MCTS1: variants seen among roughly 807,000 people sequenced by gnomAD.
MCTS1 encodes the protein MCTS1 re-initiation and release factor.
For synonymous variants in MCTS1, 26 were observed against 40.8 expected, an observed-to-expected ratio of 0.64 and a Z score of 1.38; for missense variants, 55 against 128.6, an observed-to-expected ratio of 0.43 and a Z score of 2.77.
rs1401580738 is a variant in MCTS1 at position 120,614,281 on chromosome X, C to T, written c.*2017C>T. 8.9e-6 allele frequency among the ~76,000 whole-genome samples: 1 copy of T among 111,968 alleles called. No individual in the cohort carries two copies. Among genetic ancestry groups the T allele is most frequent in the Non-Finnish European group, 1.9e-5 (1 of 53,206 alleles). ...CTGCCTATGGTAAACAATTAGGAAA[C>T]AGGAAGTTACTTGGTAAACACAGGT... On this transcript the variant is annotated 3_prime_UTR_variant, in exon 6 of 6. Coordinates refer to ENST00000371317, the MANE Select transcript of MCTS1 (RefSeq NM_014060.3).
intron 1 of MCTS1, chrX:120,604,985 T>C (rs1926495656): frequency 1.3e-6 from 1 of 768,471 alleles, no homozygotes; most frequent in African/African-American, 2.2e-5. Context: ...CGATTTTCTA[T>C]GTTATGCTTG....
At chrX:120,604,278 C>G in intron 1 of MCTS1, 31 bp downstream of exon 1, 24 of 1,202,206 alleles carry the variant, frequency 2.0e-5, no homozygotes, top group Non-Finnish European at 2.6e-5. Flanking sequence ...CCATCGGCTG[C>G]TCACAAAGGC....
rs183064216 is a variant in MCTS1 at position 120,610,830 on chromosome X, T to G, written c.397-181T>G. ...TATTCATTTAGCATTTACTGAGTATTTACAGTGTACCCACAGACTCTGCTA... is the reference window on the plus strand; with the variant it reads ...TATTCATTTAGCATTTACTGAGTATGTACAGTGTACCCACAGACTCTGCTA... On this transcript the variant is annotated intron_variant, in intron 4 of 5. Coordinates refer to ENST00000371317, the MANE Select transcript of MCTS1 (RefSeq NM_014060.3). 717 of 405,579 alleles carry G rather than the reference T, an allele frequency of 1.8e-3. 5 individuals carry two copies. The highest frequency in any genetic ancestry group is 0.014 in the South Asian group (296 of 20,729). The allele number at this position is 405,579 out of a possible 1,213,427, so 33.4% of individuals were successfully genotyped here. A position where few individuals can be genotyped will look rare whatever the true frequency, so the allele number is the denominator to read the frequency against.
rs954454120 is a variant in MCTS1, at chrX:120,614,256, C to T, written c.*1992C>T. On this transcript the variant is annotated 3_prime_UTR_variant, in exon 6 of 6. Coordinates refer to ENST00000371317, the MANE Select transcript of MCTS1 (RefSeq NM_014060.3). The stretch of plus-strand genomic sequence containing the variant: ...AATGTATTAATTCATAGTGATAGGT[C>T]TGCCTATGGTAAACAATTAGGAAAC... 8.9e-6 allele frequency among the ~76,000 whole-genome samples: 1 copy of T among 112,065 alleles called. No individual in the cohort carries two copies. Among genetic ancestry groups the T allele is most frequent in the Non-Finnish European group, 1.9e-5 (1 of 53,223 alleles).
Position 120,616,871 on chromosome X carries a change from T to G in MCTS1, c.*4607T>G, listed in dbSNP as rs1258182534. On this transcript the variant is annotated 3_prime_UTR_variant, in exon 6 of 6. Coordinates refer to ENST00000371317, the MANE Select transcript of MCTS1 (RefSeq NM_014060.3). ...ATGCCTCACTATTAATGTCCAATTCTAATTAATGGATTGTTTTAGAAATGT... is the reference window on the plus strand; with the variant it reads ...ATGCCTCACTATTAATGTCCAATTCGAATTAATGGATTGTTTTAGAAATGT... 8.9e-6 allele frequency among the ~76,000 whole-genome samples: 1 copy of G among 112,521 alleles called. No individual in the cohort carries two copies. The highest frequency in any genetic ancestry group is 1.9e-5 in the Non-Finnish European group (1 of 53,325).
At position 120,620,633 on chromosome X, in the gene MCTS1, A is replaced by T. The variant is rs1326889074; in HGVS notation, c.*8369A>T. Reference sequence around the variant, plus strand: ...TGGGCGACAGAGCAAGACTCCGTCTAAAAAAAAAAAAAAGATATTAAAATT... The same window carrying T: ...TGGGCGACAGAGCAAGACTCCGTCTTAAAAAAAAAAAAAGATATTAAAATT... On this transcript the variant is annotated 3_prime_UTR_variant, in exon 6 of 6. Coordinates refer to ENST00000371317, the MANE Select transcript of MCTS1 (RefSeq NM_014060.3). The T allele has an allele frequency of 9.9e-6, 1 of 100,786 alleles. No individual in the cohort carries two copies. Among genetic ancestry groups the T allele is most frequent in the African/African-American group, 3.6e-5 (1 of 27,818 alleles). 8.3% of individuals were successfully genotyped at this position (100,786 alleles called of 1,213,427 possible).
rs763827410 is a variant in MCTS1, at chrX:120,620,233, G to A, written c.*7969G>A. 6.3e-5 allele frequency among the ~76,000 whole-genome samples: 7 copies of A among 110,275 alleles called. No individual in the cohort carries two copies. The highest frequency in any genetic ancestry group is 2.3e-4 in the African/African-American group (7 of 30,291). On this transcript the variant is annotated 3_prime_UTR_variant, in exon 6 of 6. Transcript: ENST00000371317. ...TGAGGCAGGAGAGTGGCATGAACCC[G>A]GGAGGCGGAGCTTGCAGTGAGCTGA...
rs1320374929 is a variant in MCTS1, at chrX:120,620,571, T to C, written c.*8307T>C. ...TTTGCTTGAACCTGGGAGGCGGAGGTTGCAGTGAGCCGAGATTGTGCCACT... is the reference window on the plus strand; with the variant it reads ...TTTGCTTGAACCTGGGAGGCGGAGGCTGCAGTGAGCCGAGATTGTGCCACT... On this transcript the variant is annotated 3_prime_UTR_variant, in exon 6 of 6. Coordinates refer to ENST00000371317, the MANE Select transcript of MCTS1 (RefSeq NM_014060.3). The C allele has an allele frequency of 3.7e-5, 4 of 107,868 alleles. No homozygotes were observed. The highest frequency in any genetic ancestry group is 1.4e-4 in the African/African-American group (4 of 29,480). The allele number at this position is 107,868 out of a possible 1,213,427, so 8.9% of individuals were successfully genotyped here.
At chrX:120,612,096 TAAC>T (rs1022978283) in intron 5 of MCTS1, 84 bp from the exon 6 acceptor site, 1 of 705,002 alleles carries the variant, frequency 1.4e-6, no homozygotes, top group African/African-American at 2.2e-5. Context: ...AATTAAAAAA[TAAC>T]AATATACTTT....
In MCTS1 at chrX:120,605,532, A is replaced by G. The variant is rs767448676; in HGVS notation, c.137A>G (p.Lys46Arg). The G allele has an allele frequency of 2.5e-6, 3 of 1,200,415 alleles. No homozygotes were observed. The highest frequency in any genetic ancestry group is 2.2e-6 in the Non-Finnish European group (2 of 891,977). Residue 46 changes from lysine (K) to arginine (R), a missense_variant, in exon 2 of 6, where the codon AAG becomes AGG. By Grantham distance (26) the Lys-to-Arg change is conservative (BLOSUM62 2). Transcript: ENST00000371317. ...IEPWLNQIMP[K>R]KDPVKIVRCH... ...CCATGGCTTAATCAAATCATGCCTA[A>G]GAAAGATCCTGTCAAAATAGTCCGA...
intron 2 of MCTS1, 108 bp downstream of exon 2, chrX:120,605,667 A>G: frequency 1.3e-6 from 1 of 762,596 alleles, no homozygotes; most frequent in Admixed American, 4.3e-5. Flanking sequence ...TTGATAGATT[A>G]ATAATGGGGT....
rs1295021859 is a variant in MCTS1, at chrX:120,619,019, T to C, written c.*6755T>C. 2.7e-5 allele frequency among the ~76,000 whole-genome samples: 3 copies of C among 111,953 alleles called. No homozygotes were observed. Among genetic ancestry groups the C allele is most frequent in the African/African-American group, 9.7e-5 (3 of 30,787 alleles). The stretch of plus-strand genomic sequence containing the variant: ...GATTAAAGTGTAGGGAGATAGAAAC[T>C]ATACCAATTTGGGCAATTTTGGCTC... On this transcript the variant is annotated 3_prime_UTR_variant, in exon 6 of 6. Coordinates refer to ENST00000371317, the MANE Select transcript of MCTS1 (RefSeq NM_014060.3).
chrX:120,606,292 A>G (rs1853607823), intron 3 of MCTS1, 116 bp downstream of exon 3: 1 of 365,070 alleles, frequency 2.7e-6, no homozygotes, highest in Non-Finnish European at 4.7e-6. Context: ...GGAGAAAAAC[A>G]GAAATATGCA....
chrX:120,604,304 G>A, intron 1 of MCTS1, 57 bp downstream of exon 1: 2 of 1,185,662 alleles, frequency 1.7e-6, no homozygotes, highest in Non-Finnish European at 2.3e-6. Flanking sequence ...GGTGGGGGTG[G>A]GGAAGAGGGC....
chrX:120,608,756 C>G (rs1243310760), intron 4 of MCTS1, among the ~76,000 whole-genome samples: 1 of 112,016 alleles, frequency 8.9e-6, no homozygotes, highest in Non-Finnish European at 1.9e-5. Context: ...TACTGACATA[C>G]GTTGGAGTGA....
In MCTS1 at chrX:120,618,637, TAA is replaced by T. The variant is rs1926924904; in HGVS notation, c.*6374_*6375del. 1.8e-5 allele frequency among the ~76,000 whole-genome samples: 2 copies of T among 112,421 alleles called. No individual in the cohort carries two copies. Among genetic ancestry groups the T allele is most frequent in the Admixed American group, 1.9e-4 (2 of 10,541 alleles). On this transcript the variant is annotated 3_prime_UTR_variant, in exon 6 of 6. Transcript: ENST00000371317. ...AATAGCAATCTCTAACCCATCAAAT[TAA>T]TATCTACTAAATAGCTTCCAAAAAG...
intron 3 of MCTS1, among the ~76,000 whole-genome samples, chrX:120,607,241 G>A (rs1019383579): frequency 9.0e-6 from 1 of 111,217 alleles, no homozygotes; most frequent in Non-Finnish European, 1.9e-5. Context: ...GGGTACATGT[G>A]ATATTTGATA....
rs1178270017 is a variant in MCTS1 at position 120,620,907 on chromosome X, T to TG, written c.*8649dup. 1 of 111,370 alleles carries TG rather than the reference T, an allele frequency of 9.0e-6. No homozygotes were observed. Among genetic ancestry groups the TG allele is most frequent in the African/African-American group, 3.3e-5 (1 of 30,635 alleles). The allele number at this position is 111,370 out of a possible 1,213,427, so 9.2% of individuals were successfully genotyped here. On this transcript the variant is annotated 3_prime_UTR_variant, in exon 6 of 6. Coordinates refer to ENST00000371317, the MANE Select transcript of MCTS1 (RefSeq NM_014060.3). ...TTTTCTCCCATTCATGTTTAGCTATTGGGGGGTCTCATACTTCTGGACTTG... is the reference window on the plus strand; with the variant it reads ...TTTTCTCCCATTCATGTTTAGCTATTGGGGGGGTCTCATACTTCTGGACTTG...
chrX:120,605,855 C>A (rs990949425), intron 2 of MCTS1, among the ~76,000 whole-genome samples: 7 of 112,419 alleles, frequency 6.2e-5, no homozygotes, highest in South Asian at 3.6e-4. Context: ...AATTACCTAA[C>A]AATGGAATTA....
Sources: gnomAD v4.1 joint callset for allele counts (sites outside exome capture counted in the v4.1 genomes callset) on GRCh38, gnomAD v4.1.1 for gene constraint, MANE v1.5 for transcripts, NCBI Gene and HGNC (gene_info 2026-07-23, HGNC 2026-07-21) for gene names.